SLC15A5: variants seen among roughly 807,000 people sequenced by gnomAD.
SLC15A5 encodes solute carrier family 15 member 5, also known as Peptide/histidine transporter ENSP00000340402.
Under a neutral mutation model 56.1 loss-of-function variants are expected in SLC15A5, and 58 were observed. The ratio of observed to expected loss-of-function variants is 1.03; its 90% CI spans 0.84 to 1.29. SLC15A5 has a LOEUF of 1.29. Among genes scored for constraint, SLC15A5 ranks in the 50% most tolerant of loss-of-function variants. The probability of loss-of-function intolerance (pLI) is 0.00; values close to 1 mark genes in which losing one functional copy is unlikely to be tolerated. For synonymous variants in SLC15A5, 264 were observed against 250.5 expected (o/e 1.05, Z -0.51); for missense variants, 681 against 672.1 (o/e 1.01, Z -0.15).
At chr12:16,194,273 G>A in intron 8 of SLC15A5, 72 bp downstream of exon 8, 1 of 894,848 alleles carries the variant, frequency 1.1e-6, no homozygotes, top group Non-Finnish European at 1.7e-6. Context: ...AGAATTCCCT[G>A]GCTCAGTGAT....
intron 7 of SLC15A5, among the ~76,000 whole-genome samples, chr12:16,199,328 A>T (rs941522023): frequency 1.4e-5 from 2 of 142,358 alleles, no homozygotes; most frequent in East Asian, 4.3e-4. Flanking sequence ...AAAAAAAAGG[A>T]TGCATGTTTT....
intron 7 of SLC15A5, among the ~76,000 whole-genome samples, chr12:16,201,368 G>C (rs898567758): frequency 6.6e-6 from 1 of 152,094 alleles, no homozygotes; most frequent in Non-Finnish European, 1.5e-5. Flanking sequence ...TATCAAAACA[G>C]CATGGCATAA....
At chr12:16,202,033 A>G (rs1863963169) in intron 7 of SLC15A5, among the ~76,000 whole-genome samples, 2 of 152,206 alleles carry the variant, frequency 1.3e-5, no homozygotes, top group African/African-American at 4.8e-5. Context: ...GCTTCCTGAC[A>G]TTGGTCTAGG....
At position 16,235,437 on chromosome 12, in the gene SLC15A5, A is replaced by G. The variant is rs1864343813; in HGVS notation, c.1162+4244T>C. ...TTTTATTTCTGAATGTAGAACAGGT[A>G]GTCATTTACATAGAGATAAAATATG... On this transcript the variant is annotated intron_variant, in intron 5 of 8. Transcript: ENST00000344941. This position sits in a 1 kb window ranked among gnomAD's most constrained non-coding sequence, Gnocchi z 4.1. Among the ~76,000 whole-genome samples the G allele has an allele frequency of 6.6e-6, 1 of 151,972 alleles. No homozygotes were observed. The highest frequency in any genetic ancestry group is 1.5e-5 in the Non-Finnish European group (1 of 67,932).
At chr12:16,264,087 C>G (rs1425508548) in intron 2 of SLC15A5, among the ~76,000 whole-genome samples, 1 of 152,274 alleles carries the variant, frequency 6.6e-6, no homozygotes, top group South Asian at 2.1e-4. Context: ...GATCCACTGA[C>G]AGCTTGCACC....
At chr12:16,248,931 A>G (rs1864491188) in intron 3 of SLC15A5, among the ~76,000 whole-genome samples, 1 of 152,126 alleles carries the variant, frequency 6.6e-6, no homozygotes, top group African/African-American at 2.4e-5. Context: ...CAGATGAGCT[A>G]TTTTAAGTGT....
At chr12:16,208,235 C>G (rs1336110470) in intron 7 of SLC15A5, among the ~76,000 whole-genome samples, 1 of 152,196 alleles carries the variant, frequency 6.6e-6, no homozygotes, top group Non-Finnish European at 1.5e-5. Context: ...TAAGAAGTCA[C>G]ACTCTCTGGG....
intron 5 of SLC15A5, among the ~76,000 whole-genome samples, chr12:16,230,695 C>T (rs574628660): frequency 1.3e-5 from 2 of 150,204 alleles, no homozygotes; most frequent in South Asian, 2.1e-4. Flanking sequence ...GGGTGGATCA[C>T]GAGGTCAGGA....
chr12:16,242,703 TA>T (rs1864424433), intron 4 of SLC15A5, among the ~76,000 whole-genome samples: 1 of 152,202 alleles, frequency 6.6e-6, no homozygotes, highest in Non-Finnish European at 1.5e-5. Context: ...TATGTTCAAT[TA>T]AAAAATATAT....
intron 2 of SLC15A5, among the ~76,000 whole-genome samples, chr12:16,260,012 G>A (rs1864628071): frequency 6.6e-6 from 1 of 152,112 alleles, no homozygotes; most frequent in African/African-American, 2.4e-5. Flanking sequence ...GTTCCTGTGT[G>A]ATTCTCCAAG....
chr12:16,218,574 A>G (rs1864154069), intron 6 of SLC15A5, among the ~76,000 whole-genome samples: 1 of 152,192 alleles, frequency 6.6e-6, no homozygotes, highest in Admixed American at 6.5e-5. Flanking sequence ...GAATCTGTAC[A>G]GCGTGTGACT....
At position 16,237,338 on chromosome 12, in the gene SLC15A5, G is replaced by A. The variant is rs746366998; in HGVS notation, c.1162+2343C>T. ...ATAGCAAAACGTTATGCAAATAAAC[G>A]TACAAGTATGCAAATCAATGAATGA... is the stretch of plus-strand genomic sequence containing the variant. On this transcript the variant is annotated intron_variant, in intron 5 of 8. Coordinates refer to ENST00000344941, the MANE Select transcript of SLC15A5 (RefSeq NM_001170798.1). The surrounding 1 kb of genome is among the most constrained non-coding windows in gnomAD (Gnocchi z 4.1). 3.3e-5 allele frequency among the ~76,000 whole-genome samples: 5 copies of A among 152,184 alleles called. No individual in the cohort carries two copies. Among genetic ancestry groups the A allele is most frequent in the Non-Finnish European group, 5.9e-5 (4 of 67,988 alleles).
At chr12:16,273,368 C>G (rs1189358806) in intron 1 of SLC15A5, among the ~76,000 whole-genome samples, 3 of 151,460 alleles carry the variant, frequency 2.0e-5, no homozygotes, top group African/African-American at 2.4e-5. Context: ...TTGCCACAAA[C>G]AGAGTTGAGA....
In SLC15A5 at chr12:16,257,734, T is replaced by A. The variant is rs1591658214; in HGVS notation, c.721A>T (p.Ile241Leu). 1.3e-6 allele frequency: 2 copies of A among 1,508,346 alleles called. No homozygotes were observed. The highest frequency in any genetic ancestry group is 1.8e-6 in the Non-Finnish European group (2 of 1,136,794). 93.4% of individuals were successfully genotyped at this position (1,508,346 alleles called of 1,614,324 possible). The stretch of plus-strand genomic sequence containing the variant: ...GACTGATAAATTAGGTTGTAGTATA[T>A]CATATGAAGAGTTATCACAGCCATA... ...MLMAVITLHM[I>L]YYNLIYQSEK... Residue 241 changes from isoleucine (I) to leucine (L), a missense_variant, in exon 3 of 9, where the codon ATA becomes TTA. Ile to Leu is a conservative substitution (Grantham distance 5). Coordinates refer to ENST00000344941, the MANE Select transcript of SLC15A5 (RefSeq NM_001170798.1).
chr12:16,194,350 T>A lies in SLC15A5; in HGVS notation c.1587A>T (p.Ser529=). The change falls in exon 8 of 9, where the codon TCA becomes TCT. Residue 529 remains serine (S), a synonymous_variant. Coordinates refer to ENST00000344941, the MANE Select transcript of SLC15A5 (RefSeq NM_001170798.1). ...LLNVLGFCSV[S]QRYCNLNHFN... ...CTTACCACACACTTACTTACCTTTG[T>A]GAAACACTGCAGAATCCCAGGACGT... 6.5e-7 allele frequency: 1 copy of A among 1,529,436 alleles called. No homozygotes were observed. Among genetic ancestry groups the A allele is most frequent in the Non-Finnish European group, 8.8e-7 (1 of 1,140,876 alleles). 94.7% of individuals were successfully genotyped at this position (1,529,436 alleles called of 1,614,324 possible).
Position 16,269,927 on chromosome 12 carries a change from A to G in SLC15A5, c.584+2634T>C, listed in dbSNP as rs565076073. ...TTTGCTTCCAGAAAAGAATCTGCAC[A>G]GGTGTATTTACCTAGGTGATCTCCA... On this transcript the variant is annotated intron_variant, in intron 2 of 8. Coordinates refer to ENST00000344941, the MANE Select transcript of SLC15A5 (RefSeq NM_001170798.1). This position sits in a 1 kb window ranked among gnomAD's most constrained non-coding sequence, Gnocchi z 4.7. 6.6e-6 allele frequency among the ~76,000 whole-genome samples: 1 copy of G among 152,322 alleles called. No homozygotes were observed. Among genetic ancestry groups the G allele is most frequent in the African/African-American group, 2.4e-5 (1 of 41,590 alleles).
At chr12:16,263,963 G>A (rs1864668002) in intron 2 of SLC15A5, among the ~76,000 whole-genome samples, 1 of 152,206 alleles carries the variant, frequency 6.6e-6, no homozygotes, top group Non-Finnish European at 1.5e-5. Flanking sequence ...ACCTCTGCTG[G>A]GGCAGTGTGG....
At chr12:16,211,277 T>A (rs1043081637) in intron 7 of SLC15A5, among the ~76,000 whole-genome samples, 3 of 152,236 alleles carry the variant, frequency 2.0e-5, no homozygotes, top group African/African-American at 7.2e-5. Flanking sequence ...CAAATTCCTG[T>A]TTCAAGAGTG....
rs564501954 is a variant in SLC15A5, at chr12:16,259,674, G to A, written c.585-1804C>T. ...ATTTTGCATTTTTCTCAGACTTGTT[G>A]CTGTGTGAGTACAATAATGGAATAA... On this transcript the variant is annotated intron_variant, in intron 2 of 8. Transcript: ENST00000344941. 9.3e-4 allele frequency among the ~76,000 whole-genome samples: 142 copies of A among 152,290 alleles called. 1 individual carries two copies. The highest frequency in any genetic ancestry group is 3.4e-3 in the African/African-American group (140 of 41,548).
Sources: allele counts gnomAD v4.1 joint callset (sites outside exome capture counted in the v4.1 genomes callset), GRCh38; gene constraint gnomAD v4.1.1; non-coding constraint Gnocchi (gnomAD v3.1); transcripts MANE v1.5; gene names NCBI Gene and HGNC (gene_info 2026-07-23, HGNC 2026-07-21).